The following FGF12 variants were observed in gnomAD, a reference collection of about 807,000 sequenced individuals.
FGF12 encodes fibroblast growth factor 12B.
A neutral mutation model predicts 23.6 loss-of-function variants in FGF12; 14 were observed. The observed-to-expected ratio is 0.59, with a 90% CI of 0.39 to 0.93. The LOEUF (loss-of-function observed/expected upper bound fraction) is 0.93, where lower values mean the gene tolerates loss of function less well. Ranked by LOEUF, FGF12 falls within the 40% of genes least tolerant of loss-of-function variation. The probability of loss-of-function intolerance (pLI) is 0.00; values close to 1 mark genes in which losing one functional copy is unlikely to be tolerated. For synonymous variants in FGF12, 62 were observed against 77.3 expected (o/e 0.80, Z 1.04); for missense variants, 175 against 217.8 (o/e 0.80, Z 1.24).
At position 192,149,217 on chromosome 3, in the gene FGF12, C is replaced by T. The variant is rs141248111; in HGVS notation, c.428-5090G>A. ...TTATGTAGAAAAATGTCTAGGTTTACGTGATATGGATACAACTAGTCAGTA... is the reference window on the plus strand; with the variant it reads ...TTATGTAGAAAAATGTCTAGGTTTATGTGATATGGATACAACTAGTCAGTA... On this transcript the variant is annotated intron_variant, in intron 5 of 5. Coordinates refer to ENST00000445105, the MANE Select transcript of FGF12 (RefSeq NM_004113.6). Among the ~76,000 whole-genome samples, 307 of 152,190 alleles carry T rather than the reference C, an allele frequency of 2.0e-3. 1 individual carries two copies. The highest frequency in any genetic ancestry group is 6.3e-3 in the African/African-American group (263 of 41,526).
chr3:192,502,723 A>G (rs1167206878), intron 2 of FGF12, among the ~76,000 whole-genome samples: 1 of 152,228 alleles, frequency 6.6e-6, no homozygotes, highest in Admixed American at 6.5e-5. Flanking sequence ...GCAGTAAGAA[A>G]AGCAACTAAC....
At chr3:192,306,916 T>C (rs1455073968) in intron 4 of FGF12, among the ~76,000 whole-genome samples, 1 of 152,188 alleles carries the variant, frequency 6.6e-6, no homozygotes, top group Non-Finnish European at 1.5e-5. Context: ...TTTAATAATA[T>C]TATTTACTTG....
chr3:192,476,424 T>A (rs1723326930), intron 2 of FGF12, among the ~76,000 whole-genome samples: 1 of 152,164 alleles, frequency 6.6e-6, no homozygotes, highest in Admixed American at 6.5e-5. Flanking sequence ...CACTCTACAT[T>A]AACCCTGATG....
At chr3:192,623,864 G>T (rs1344146713) in intron 2 of FGF12, among the ~76,000 whole-genome samples, 1 of 152,146 alleles carries the variant, frequency 6.6e-6, no homozygotes, top group African/African-American at 2.4e-5. Context: ...CCTTACAGGA[G>T]CCTCAGAAGT....
In FGF12 at chr3:192,408,877, G is replaced by A. The variant is rs1485989776; in HGVS notation, c.14-48339C>T. The A allele has an allele frequency of 2.0e-6, 2 of 985,350 alleles. No individual in the cohort carries two copies. Among genetic ancestry groups the A allele is most frequent in the Non-Finnish European group, 2.4e-6 (2 of 830,004 alleles). 61.0% of individuals were successfully genotyped at this position (985,350 alleles called of 1,614,324 possible). A position where few individuals can be genotyped will look rare whatever the true frequency, so the allele number is the denominator to read the frequency against. On this transcript the variant is annotated intron_variant, in intron 2 of 5. Transcript: ENST00000445105. The surrounding 1 kb of genome is among the most constrained non-coding windows in gnomAD (Gnocchi z 7.3). ...AGATTAGGAGGTCCGTCCCAGCAGG[G>A]TGAGGTCTACAGAATGCATCGCGCC...
chr3:192,290,592 T>G (rs1577323885), intron 4 of FGF12, among the ~76,000 whole-genome samples: 1 of 152,282 alleles, frequency 6.6e-6, no homozygotes, highest in East Asian at 1.9e-4. Context: ...CCTAGCATGC[T>G]ACCTGACACT....
At chr3:192,631,581 T>A (rs1169849644) in intron 2 of FGF12, among the ~76,000 whole-genome samples, 4 of 152,240 alleles carry the variant, frequency 2.6e-5, no homozygotes, top group Admixed American at 1.3e-4. Flanking sequence ...TTGCTGAAAG[T>A]AAGTGGCCTT....
intron 4 of FGF12, among the ~76,000 whole-genome samples, chr3:192,329,228 A>G (rs1716984134): frequency 6.6e-6 from 1 of 152,206 alleles, no homozygotes; most frequent in Non-Finnish European, 1.5e-5. Flanking sequence ...AGTAGCATCT[A>G]ATTCTCATAG....
At chr3:192,331,092 T>G (rs1305753964) in intron 4 of FGF12, among the ~76,000 whole-genome samples, 1 of 152,038 alleles carries the variant, frequency 6.6e-6, no homozygotes, top group East Asian at 1.9e-4. Flanking sequence ...TACAAATGAC[T>G]AGCAGGTATG....
chr3:192,443,083 C>T (rs1364215707), intron 2 of FGF12, among the ~76,000 whole-genome samples: 1 of 152,162 alleles, frequency 6.6e-6, no homozygotes, highest in Non-Finnish European at 1.5e-5. Flanking sequence ...GCTGAGATTA[C>T]AGGCGTGAGT....
chr3:192,439,955 G>A lies in FGF12; in HGVS notation c.14-79417C>T, dbSNP rs1262311562. 6.2e-5 allele frequency among the ~76,000 whole-genome samples: 9 copies of A among 145,924 alleles called. No individual in the cohort carries two copies. In the East Asian group the frequency reaches 1.8e-3, roughly 29 times the overall value. ...CGCGCCACTGCATTCCAGCCTAGGT[G>A]ACAGAGCAAGACTCCATATGGAAAA... is the stretch of plus-strand genomic sequence containing the variant. On this transcript the variant is annotated intron_variant, in intron 2 of 5. Coordinates refer to ENST00000445105, the MANE Select transcript of FGF12 (RefSeq NM_004113.6).
intron 4 of FGF12, among the ~76,000 whole-genome samples, chr3:192,328,528 T>G (rs73887288): frequency 0.18 from 27,390 of 152,202 alleles, 2,676 homozygotes; most frequent in East Asian, 0.3. Context: ...GTACTTCTAC[T>G]GAATCCTGCT....
Position 192,335,786 on chromosome 3 carries a change from T to C in FGF12, c.125-322A>G, listed in dbSNP as rs536584283. 4.6e-5 allele frequency among the ~76,000 whole-genome samples: 7 copies of C among 152,104 alleles called. No homozygotes were observed. In the East Asian group the frequency reaches 1.4e-3, roughly 29 times the overall value. ...CCTCAAACAGTGTAATATAAGATAA[T>C]TTTTTCTAACAAACAAATAATATGG... On this transcript the variant is annotated intron_variant, in intron 3 of 5. Coordinates refer to ENST00000445105, the MANE Select transcript of FGF12 (RefSeq NM_004113.6).
rs147124151 is a variant in FGF12 at position 192,454,197 on chromosome 3, C to T, written c.14-93659G>A. The stretch of plus-strand genomic sequence containing the variant: ...GGGACTATAGGTGCGTGCCACCATG[C>T]CTGGTTAATTTTTTTGTATTTTAGT... On this transcript the variant is annotated intron_variant, in intron 2 of 5. Coordinates refer to ENST00000445105, the MANE Select transcript of FGF12 (RefSeq NM_004113.6). Among the ~76,000 whole-genome samples, 246 of 152,192 alleles carry T rather than the reference C, an allele frequency of 1.6e-3. 1 individual carries two copies. Among genetic ancestry groups the T allele is most frequent in the African/African-American group, 5.5e-3 (228 of 41,534 alleles).
At chr3:192,646,712 G>A (rs1716017989) in intron 2 of FGF12, among the ~76,000 whole-genome samples, 1 of 152,108 alleles carries the variant, frequency 6.6e-6, no homozygotes, top group African/African-American at 2.4e-5. Context: ...CTAGGGAGAG[G>A]GGAAAATGGG....
intron 2 of FGF12, among the ~76,000 whole-genome samples, chr3:192,362,493 T>C (rs999277373): frequency 2.0e-5 from 3 of 151,752 alleles, no homozygotes; most frequent in Non-Finnish European, 4.4e-5. Flanking sequence ...CAGTGTTTGG[T>C]TTTCTGTCCT....
At chr3:192,584,598 A>G (rs1252644149) in intron 2 of FGF12, among the ~76,000 whole-genome samples, 1 of 152,080 alleles carries the variant, frequency 6.6e-6, no homozygotes, top group Non-Finnish European at 1.5e-5. Flanking sequence ...AATGTCAGCC[A>G]CATTTTCTAT....
intron 4 of FGF12, among the ~76,000 whole-genome samples, chr3:192,258,651 G>A (rs1056227098): frequency 6.6e-6 from 1 of 152,002 alleles, no homozygotes; most frequent in African/African-American, 2.4e-5. Context: ...GGTTTTTGAA[G>A]CATTTTATTT....
At chr3:192,466,418 CAT>C (rs1370411838) in intron 2 of FGF12, among the ~76,000 whole-genome samples, 2 of 152,048 alleles carry the variant, frequency 1.3e-5, no homozygotes, top group African/African-American at 2.4e-5. Context: ...CAAAATTAAA[CAT>C]GTAATAAATT....
Sources: allele counts gnomAD v4.1 joint callset (sites outside exome capture counted in the v4.1 genomes callset), GRCh38; gene constraint gnomAD v4.1.1; non-coding constraint Gnocchi (gnomAD v3.1); transcripts MANE v1.5; gene names NCBI Gene and HGNC (gene_info 2026-07-23, HGNC 2026-07-21).